TAF10: variants seen among roughly 807,000 people sequenced by gnomAD.
The protein encoded by TAF10 is transcription initiation factor TFIID subunit 10.
Under a neutral mutation model 18.1 loss-of-function variants are expected in TAF10, and 2 were observed. The observed-to-expected ratio is 0.11, with a 90% CI of 0.05 to 0.35. The LOEUF is 0.35. Ranked by LOEUF, TAF10 falls within the 10% of genes least tolerant of loss-of-function variation. The probability of loss-of-function intolerance (pLI) is 1.00; values close to 1 mark genes in which losing one functional copy is unlikely to be tolerated. For missense variants in TAF10, 293 were observed against 306.9 expected, an observed-to-expected ratio of 0.95 and a Z score of 0.34; for synonymous variants, 158 against 134.6, an observed-to-expected ratio of 1.17 and a Z score of -1.20.
Position 6,608,859 on chromosome 11 carries a change from A to G in TAF10, c.*2063T>C, listed in dbSNP as rs1855203119. 2 of 1,613,826 alleles carry G rather than the reference A, an allele frequency of 1.2e-6. No individual in the cohort carries two copies. The highest frequency in any genetic ancestry group is 4.5e-5 in the East Asian group (2 of 44,882). ...CACCTGTCTTCTCCCTCTGTACCAC[A>G]GCTTAGGTTGTTTTTCTTCCCTAGA... On this transcript the variant is annotated 3_prime_UTR_variant, in exon 5 of 5. Coordinates refer to ENST00000299424, the MANE Select transcript of TAF10 (RefSeq NM_006284.4). The surrounding 1 kb of genome is among the most constrained non-coding windows in gnomAD (Gnocchi z 4.9).
chr11:6,610,156 A>G lies in TAF10; in HGVS notation c.*766T>C. On this transcript the variant is annotated 3_prime_UTR_variant, in exon 5 of 5. Coordinates refer to ENST00000299424, the MANE Select transcript of TAF10 (RefSeq NM_006284.4). ...AAGCCCTATCTCTCCAGCTCTGCAG[A>G]AGAAGCCTGAAGACACAAACAGACG... The G allele has an allele frequency of 6.2e-7, 1 of 1,614,240 alleles. No individual in the cohort carries two copies. The highest frequency in any genetic ancestry group is 8.5e-7 in the Non-Finnish European group (1 of 1,180,038).
chr11:6,610,627 G>A lies in TAF10; in HGVS notation c.*295C>T, dbSNP rs1209321656. 10 of 1,613,952 alleles carry A rather than the reference G, an allele frequency of 6.2e-6. No homozygotes were observed. The highest frequency in any genetic ancestry group is 1.1e-5 in the South Asian group (1 of 91,078). Reference sequence around the variant, plus strand: ...GGACAAGTAGGACTGGAAGGTCCTTGCCTGAACTCCAGAGGTGTCGGGACA... The same window carrying A: ...GGACAAGTAGGACTGGAAGGTCCTTACCTGAACTCCAGAGGTGTCGGGACA... On this transcript the variant is annotated 3_prime_UTR_variant, in exon 5 of 5. Coordinates refer to ENST00000299424, the MANE Select transcript of TAF10 (RefSeq NM_006284.4).
In TAF10 at chr11:6,610,720, A is replaced by C. The variant is rs1229435731; in HGVS notation, c.*202T>G. 35 of 1,427,720 alleles carry C rather than the reference A, an allele frequency of 2.5e-5. No individual in the cohort carries two copies. The highest frequency in any genetic ancestry group is 3.4e-5 in the Non-Finnish European group (35 of 1,021,260). 88.4% of individuals were successfully genotyped at this position (1,427,720 alleles called of 1,614,324 possible). On this transcript the variant is annotated 3_prime_UTR_variant, in exon 5 of 5. Coordinates refer to ENST00000299424, the MANE Select transcript of TAF10 (RefSeq NM_006284.4). ...TGCCTCCCCCGCCTCCAGTCATGGT[A>C]CTACCCCAGCCATGGGGTCCATCCC... is the stretch of plus-strand genomic sequence containing the variant.
In TAF10 at chr11:6,608,856, C is replaced by T. The variant is rs1855202848; in HGVS notation, c.*2066G>A. On this transcript the variant is annotated 3_prime_UTR_variant, in exon 5 of 5. Coordinates refer to ENST00000299424, the MANE Select transcript of TAF10 (RefSeq NM_006284.4). This position sits in a 1 kb window ranked among gnomAD's most constrained non-coding sequence, Gnocchi z 4.9. ...TCCCACCTGTCTTCTCCCTCTGTAC[C>T]ACAGCTTAGGTTGTTTTTCTTCCCT... 1 of 1,613,664 alleles carries T rather than the reference C, an allele frequency of 6.2e-7. No homozygotes were observed. Among genetic ancestry groups the T allele is most frequent in the Non-Finnish European group, 8.5e-7 (1 of 1,179,560 alleles).
rs756532224 is a variant in TAF10, at chr11:6,608,122, C to A, written c.*2800G>T. ...TGCTGTGGTTGAGATGTTGATCATG[C>A]GGGGGGCACGGATCAATGTAATGAA... On this transcript the variant is annotated 3_prime_UTR_variant, in exon 5 of 5. Coordinates refer to ENST00000299424, the MANE Select transcript of TAF10 (RefSeq NM_006284.4). The surrounding 1 kb of genome is among the most constrained non-coding windows in gnomAD (Gnocchi z 4.9). 3.1e-6 allele frequency: 5 copies of A among 1,614,072 alleles called. No homozygotes were observed. The highest frequency in any genetic ancestry group is 4.2e-6 in the Non-Finnish European group (5 of 1,179,980).
chr11:6,611,510 T>C (rs1213126553), intron 2 of TAF10, 58 bp from the exon 3 acceptor site: 3 of 1,605,364 alleles, frequency 1.9e-6, no homozygotes, highest in Non-Finnish European at 2.6e-6. Context: ...GGGAAATGGA[T>C]AGGCCTGATT....
In TAF10 at chr11:6,610,613, A is replaced by G. The variant is rs778105132; in HGVS notation, c.*309T>C. 3.1e-6 allele frequency: 5 copies of G among 1,614,078 alleles called. No homozygotes were observed. In the Admixed American group the frequency reaches 5.0e-5, roughly 16 times the overall value. On this transcript the variant is annotated 3_prime_UTR_variant, in exon 5 of 5. Transcript: ENST00000299424. ...CTTGAGAAGATGCAGGACAAGTAGG[A>G]CTGGAAGGTCCTTGCCTGAACTCCA...
At chr11:6,611,348 G>A (rs976238494) in intron 3 of TAF10, 40 bp downstream of exon 3, 6 of 1,614,046 alleles carry the variant, frequency 3.7e-6, no homozygotes, top group African/African-American at 2.7e-5. Context: ...ACAACATACT[G>A]CACAAGCACC....
In TAF10 at chr11:6,611,466, TA is replaced by T; in HGVS notation, c.388-15del. ...TGCATCTGGGATCTGAGAAATCAAT[TA>T]AGAGAACTGTCAGCAGAGCGGGAGG... On this transcript the variant is annotated splice_polypyrimidine_tract_variant and intron_variant, in intron 2 of 4. Transcript: ENST00000299424. The T allele has an allele frequency of 6.2e-7, 1 of 1,613,856 alleles. No homozygotes were observed. Among genetic ancestry groups the T allele is most frequent in the African/African-American group, 1.3e-5 (1 of 74,976 alleles).
rs1215631435 is a variant in TAF10 at position 6,609,737 on chromosome 11, C to G, written c.*1185G>C. 1.2e-6 allele frequency: 2 copies of G among 1,614,172 alleles called. No individual in the cohort carries two copies. ...GCCTCCTCTCAGATTTCGTCGTGGA[C>G]CAGAGCCAGGCTGTGAAGTTTGCTT... On this transcript the variant is annotated 3_prime_UTR_variant, in exon 5 of 5. Transcript: ENST00000299424.
At position 6,607,912 on chromosome 11, in the gene TAF10, T is replaced by C; in HGVS notation, c.*3010A>G. 1 of 896,710 alleles carries C rather than the reference T, an allele frequency of 1.1e-6. No individual in the cohort carries two copies. The highest frequency in any genetic ancestry group is 2.6e-5 in the East Asian group (1 of 37,760). The allele number at this position is 896,710 out of a possible 1,614,324, so 55.5% of individuals were successfully genotyped here. On this transcript the variant is annotated 3_prime_UTR_variant, in exon 5 of 5. Transcript: ENST00000299424. ...GTCTGAAATGGACAGCTTTGGGAGT[T>C]GCTGGCATGAATGAGAATCAAAGTC...
rs769283883 is a variant in TAF10 at position 6,610,138 on chromosome 11, A to G, written c.*784T>C. 3 of 1,614,096 alleles carry G rather than the reference A, an allele frequency of 1.9e-6. No individual in the cohort carries two copies. The highest frequency in any genetic ancestry group is 2.2e-5 in the East Asian group (1 of 44,902). ...AAGGGGGCCAGAACAGACAAGCCCT[A>G]TCTCTCCAGCTCTGCAGAAGAAGCC... is the stretch of plus-strand genomic sequence containing the variant. On this transcript the variant is annotated 3_prime_UTR_variant, in exon 5 of 5. Transcript: ENST00000299424.
At position 6,610,094 on chromosome 11, in the gene TAF10, G is replaced by T; in HGVS notation, c.*828C>A. On this transcript the variant is annotated 3_prime_UTR_variant, in exon 5 of 5. Transcript: ENST00000299424. ...GGACCACCTCAGAAGTAGTGGAAGG[G>T]GGCAGAGACAGGACAGGCAAGGGGG... is the stretch of plus-strand genomic sequence containing the variant. 1.2e-6 allele frequency: 2 copies of T among 1,614,074 alleles called. No homozygotes were observed. Among genetic ancestry groups the T allele is most frequent in the Non-Finnish European group, 1.7e-6 (2 of 1,180,008 alleles).
In TAF10 at chr11:6,608,788, G is replaced by A. The variant is rs869025437; in HGVS notation, c.*2134C>T. ...AAGGCACCCCTGAGAGAGCTTCTCCGAGGTCCATCTCCCCATCCCCTAGCT... is the reference window on the plus strand; with the variant it reads ...AAGGCACCCCTGAGAGAGCTTCTCCAAGGTCCATCTCCCCATCCCCTAGCT... On this transcript the variant is annotated 3_prime_UTR_variant, in exon 5 of 5. Coordinates refer to ENST00000299424, the MANE Select transcript of TAF10 (RefSeq NM_006284.4). The surrounding 1 kb of genome is among the most constrained non-coding windows in gnomAD (Gnocchi z 4.9). The A allele has an allele frequency of 8.0e-5, 129 of 1,613,558 alleles. No homozygotes were observed. Among genetic ancestry groups the A allele is most frequent in the Non-Finnish European group, 1.1e-4 (124 of 1,179,596 alleles).
Position 6,609,881 on chromosome 11 carries a change from A to G in TAF10, c.*1041T>C, listed in dbSNP as rs1564849085. 1 of 1,614,196 alleles carries G rather than the reference A, an allele frequency of 6.2e-7. No individual in the cohort carries two copies. The highest frequency in any genetic ancestry group is 8.5e-7 in the Non-Finnish European group (1 of 1,180,034). On this transcript the variant is annotated 3_prime_UTR_variant, in exon 5 of 5. Coordinates refer to ENST00000299424, the MANE Select transcript of TAF10 (RefSeq NM_006284.4). ...AAGCTCACTCCTGGCCCAGGCCCCAAAAGCCCTTTGCCTATCTATGACTTA... is the reference window on the plus strand; with the variant it reads ...AAGCTCACTCCTGGCCCAGGCCCCAGAAGCCCTTTGCCTATCTATGACTTA...
rs1855447868 is a variant in TAF10, at chr11:6,611,195, C to G, written c.561G>C (p.Lys187Asn). The G allele has an allele frequency of 1.2e-6, 2 of 1,614,004 alleles. No homozygotes were observed. The highest frequency in any genetic ancestry group is 1.7e-6 in the Non-Finnish European group (2 of 1,179,890). ...ATTAAGCCTCCCCTCACACCTTGCT[C>G]TTGCTCCGGGAGCTGCCGGAGGCCG... ...KGTASGSSRS[K>N]SKDRKYTLTM... Residue 187 changes from lysine to asparagine, a missense_variant, in exon 4 of 5, where the codon AAG (lysine) becomes AAC (asparagine). By Grantham distance (94) the Lys-to-Asn change is moderately conservative. Transcript: ENST00000299424.
At position 6,611,288 on chromosome 11, in the gene TAF10, G is replaced by A. The variant is rs780005013; in HGVS notation, c.468C>T (p.Ser156=). 6.2e-7 allele frequency: 1 copy of A among 1,614,014 alleles called. No individual in the cohort carries two copies. The highest frequency in any genetic ancestry group is 8.5e-7 in the Non-Finnish European group (1 of 1,180,038). ...ASDPRIIRLI[S]LAAQKFISDI... ...CTGAGATGAATTTCTGGGCAGCTAA[G>A]GAGATGAGCCGAATTCTAGAGAGAA... The change falls in exon 4 of 5, where the codon TCC becomes TCT. Residue 156 remains serine (S), a synonymous_variant. Transcript: ENST00000299424.
chr11:6,609,259 AG>A lies in TAF10; in HGVS notation c.*1662del, dbSNP rs777532769. The A allele has an allele frequency of 1.2e-6, 2 of 1,605,766 alleles. No homozygotes were observed. The highest frequency in any genetic ancestry group is 2.7e-5 in the African/African-American group (2 of 74,784). On this transcript the variant is annotated 3_prime_UTR_variant, in exon 5 of 5. Coordinates refer to ENST00000299424, the MANE Select transcript of TAF10 (RefSeq NM_006284.4). ...TCCAGTTAGTGGGCAAGGAAGTGGC[AG>A]CAACATTTCAAGCCTCCTAACCCCT...
chr11:6,608,588 G>T lies in TAF10; in HGVS notation c.*2334C>A. On this transcript the variant is annotated 3_prime_UTR_variant, in exon 5 of 5. Coordinates refer to ENST00000299424, the MANE Select transcript of TAF10 (RefSeq NM_006284.4). The surrounding 1 kb of genome is among the most constrained non-coding windows in gnomAD (Gnocchi z 4.9). ...CTCAACCCATTCTGTCAGTACTACT[G>T]TGTGACACTTACAGGATTAAGTTCT... The T allele has an allele frequency of 7.5e-7, 1 of 1,327,040 alleles. No individual in the cohort carries two copies. The highest frequency in any genetic ancestry group is 1.7e-5 in the Admixed American group (1 of 59,668). 82.2% of individuals were successfully genotyped at this position (1,327,040 alleles called of 1,614,324 possible).
Sources: gnomAD v4.1 joint callset for allele counts on GRCh38, gnomAD v4.1.1 for gene constraint, Gnocchi (gnomAD v3.1) non-coding constraint, MANE v1.5 for transcripts, NCBI Gene and HGNC (gene_info 2026-07-23, HGNC 2026-07-21) for gene names.